Variants in PLEKHG7 observed in about 807,000 individuals in gnomAD.
PLEKHG7 encodes the protein pleckstrin homology and RhoGEF domain containing G7.
Under a neutral mutation model 85.2 loss-of-function variants are expected in PLEKHG7, and 77 were observed. That is an observed-to-expected ratio of 0.90 (90% CI 0.75 to 1.09). PLEKHG7 has a LOEUF of 1.09. PLEKHG7 is among the 50% of genes least tolerant of loss of function. The pLI is 0.00. For synonymous variants in PLEKHG7, 301 were observed against 302.4 expected (o/e 1.00, Z 0.05); for missense variants, 777 against 804.3 (o/e 0.97, Z 0.41).
At chr12:92,738,571 C>T (rs1382708869) in intron 7 of PLEKHG7, among the ~76,000 whole-genome samples, 2 of 152,238 alleles carry the variant, frequency 1.3e-5, no homozygotes, top group African/African-American at 2.4e-5. Context: ...AACCACTTAA[C>T]TCTGCCATTG....
intron 3 of PLEKHG7, among the ~76,000 whole-genome samples, chr12:92,718,130 A>T (rs1416841688): frequency 6.6e-6 from 1 of 152,230 alleles, no homozygotes; most frequent in Non-Finnish European, 1.5e-5. Context: ...CTGTCTGTTA[A>T]CTGTAGAACA....
At chr12:92,748,116 C>T (rs1393494532) in intron 10 of PLEKHG7, among the ~76,000 whole-genome samples, 1 of 152,130 alleles carries the variant, frequency 6.6e-6, no homozygotes, top group Non-Finnish European at 1.5e-5. Flanking sequence ...CATCATTACA[C>T]ATTGTACACA....
rs1872971564 is a variant in PLEKHG7, at chr12:92,760,977, G to A, written c.1637-775G>A. Among the ~76,000 whole-genome samples the A allele has an allele frequency of 2.0e-5, 3 of 152,198 alleles. No individual in the cohort carries two copies. The South Asian group carries it at 6.2e-4, about 31-fold the overall frequency. On this transcript the variant is annotated intron_variant, in intron 13 of 16. Transcript: ENST00000344636. ...GGAGGCTGAAAAGTCCCAGGCCAAG[G>A]TGATGGCAAATTCAGTTCCTGATGA... is the stretch of plus-strand genomic sequence containing the variant.
Position 92,729,065 on chromosome 12 carries a change from G to C in PLEKHG7, c.603G>C (p.Leu201=), listed in dbSNP as rs567732456. 8.1e-7 allele frequency: 1 copy of C among 1,231,760 alleles called. No homozygotes were observed. Among genetic ancestry groups the C allele is most frequent in the Non-Finnish European group, 1.0e-6 (1 of 987,772 alleles). The allele number at this position is 1,231,760 out of a possible 1,614,324, so 76.3% of individuals were successfully genotyped here. The part of the protein sequence containing the change: ...PGLEVFPGDL[L]VSDGAADYLC... ...TTGAGGTGTTCCCCGGGGACCTTCT[G>C]GTGTCAGATGGAGCTGCTGATTACC... The change falls in exon 4 of 17, where the codon CTG becomes CTC. Residue 201 remains leucine (L), a synonymous_variant. Coordinates refer to ENST00000344636, the MANE Select transcript of PLEKHG7 (RefSeq NM_001377329.1).
At chr12:92,753,571 C>T (rs1234935615) in intron 10 of PLEKHG7, among the ~76,000 whole-genome samples, 1 of 152,220 alleles carries the variant, frequency 6.6e-6, no homozygotes. Flanking sequence ...CTACCTCTCT[C>T]CTCTCCTCTC....
chr12:92,769,486 G>C (rs17790328), intron 16 of PLEKHG7, among the ~76,000 whole-genome samples: 5,999 of 152,244 alleles, frequency 0.039, 177 homozygotes, highest in Non-Finnish European at 0.062. Flanking sequence ...TTAGCTTAAG[G>C]AGGGCCTGGC....
intron 12 of PLEKHG7, 53 bp from the exon 13 acceptor site, chr12:92,756,245 T>G: frequency 7.3e-7 from 1 of 1,373,158 alleles, no homozygotes; most frequent in Non-Finnish European, 1.0e-6. Context: ...TTTAAACATG[T>G]TCTCTTCCAA....
chr12:92,756,390 A>C lies in PLEKHG7; in HGVS notation c.1635A>C (p.Ala545=). 1 of 1,606,512 alleles carries C rather than the reference A, an allele frequency of 6.2e-7. No individual in the cohort carries two copies. Among genetic ancestry groups the C allele is most frequent in the Non-Finnish European group, 8.5e-7 (1 of 1,173,188 alleles). The change falls in exon 13 of 17, where the codon GCA becomes GCC. Residue 545 remains alanine (A), a splice_region_variant and synonymous_variant. Transcript: ENST00000344636. ...HLLYEGKLTL[A]ESTRFLDVYL... is the part of the protein sequence containing the mutation. ...TCTATGAAGGAAAATTAACTCTTGC[A>C]GGTAAATAACTGCTTCCTTTAAAAA...
rs1491269715 is a variant in PLEKHG7 at position 92,761,659 on chromosome 12, A to AAAGAAAG, written c.1637-90_1637-84dup. ...GAAAGAAAGAAAGAAAGAAAGAAAG[A>AAAGAAAG]AAGAAAGAAAGAAAGAAAGAAAGAA... On this transcript the variant is annotated intron_variant, in intron 13 of 16. Transcript: ENST00000344636. 9 of 1,316,750 alleles carry AAAGAAAG rather than the reference A, an allele frequency of 6.8e-6. No homozygotes were observed. The African/African-American group carries it at 1.1e-4, about 17-fold the overall frequency. 81.6% of individuals were successfully genotyped at this position (1,316,750 alleles called of 1,614,324 possible). A position where few individuals can be genotyped will look rare whatever the true frequency, so the allele number is the denominator to read the frequency against.
intron 15 of PLEKHG7, among the ~76,000 whole-genome samples, chr12:92,764,421 G>T (rs1478730251): frequency 2.0e-5 from 3 of 152,120 alleles, no homozygotes; most frequent in African/African-American, 7.2e-5. Flanking sequence ...AGACTCTTCA[G>T]TTTTCTAAGC....
chr12:92,765,325 TA>T (rs59974651), intron 15 of PLEKHG7, among the ~76,000 whole-genome samples: 54,201 of 128,708 alleles, frequency 0.42, 11,873 homozygotes, highest in East Asian at 0.85. Flanking sequence ...AGTCTCTTAT[TA>T]AAAAAAAAAA....
At chr12:92,736,104 T>C (rs1304054144) in intron 5 of PLEKHG7, among the ~76,000 whole-genome samples, 1 of 152,188 alleles carries the variant, frequency 6.6e-6, no homozygotes, top group Non-Finnish European at 1.5e-5. Context: ...AGGTACCTTC[T>C]GATGTTAATA....
At chr12:92,731,541 C>G (rs960093321) in intron 4 of PLEKHG7, among the ~76,000 whole-genome samples, 3 of 152,104 alleles carry the variant, frequency 2.0e-5, no homozygotes. Context: ...TCAGCTTTGG[C>G]TAGGTAGCAT....
chr12:92,764,088 T>C lies in PLEKHG7; in HGVS notation c.1764T>C (p.Pro588=). The C allele has an allele frequency of 6.2e-7, 1 of 1,613,154 alleles. No homozygotes were observed. Among genetic ancestry groups the C allele is most frequent in the Middle Eastern group, 1.7e-4 (1 of 6,060 alleles). Residue 588 remains proline, a synonymous_variant, in exon 15 of 17, where the codon CCT becomes CCC. Transcript: ENST00000344636. ...DPGLMCPSLT[P]ELQAVIKEGG... is the part of the protein sequence containing the mutation. ...GTTTAATGTGTCCTTCTCTTACTCC[T>C]GAGTTGCAAGCAGTAATAAAAGAGG...
rs1240937251 is a variant in PLEKHG7 at position 92,770,408 on chromosome 12, T to C, written c.*213T>C. The C allele has an allele frequency of 6.2e-6, 3 of 482,734 alleles. No homozygotes were observed. The highest frequency in any genetic ancestry group is 4.2e-5 in the Admixed American group (1 of 23,830). 29.9% of individuals were successfully genotyped at this position (482,734 alleles called of 1,614,324 possible). ...ACTCTGAGGAATTTCTTGACAAATA[T>C]ATACTGACATCCAGATTACCTTCTA... On this transcript the variant is annotated 3_prime_UTR_variant, in exon 17 of 17. Coordinates refer to ENST00000344636, the MANE Select transcript of PLEKHG7 (RefSeq NM_001377329.1).
At chr12:92,717,268 A>G (rs1871516911) in intron 3 of PLEKHG7, among the ~76,000 whole-genome samples, 1 of 152,240 alleles carries the variant, frequency 6.6e-6, no homozygotes, top group South Asian at 2.1e-4. Flanking sequence ...AAGCCAACTG[A>G]TGAGATATTT....
At position 92,766,064 on chromosome 12, in the gene PLEKHG7, G is replaced by A. The variant is rs181786624; in HGVS notation, c.1870+1870G>A. Among the ~76,000 whole-genome samples, 16 of 152,260 alleles carry A rather than the reference G, an allele frequency of 1.1e-4. No individual in the cohort carries two copies. The East Asian group carries it at 2.9e-3, about 28-fold the overall frequency. On this transcript the variant is annotated intron_variant, in intron 15 of 16. Coordinates refer to ENST00000344636, the MANE Select transcript of PLEKHG7 (RefSeq NM_001377329.1). ...CAGTTCAGGAGCAAGCCACAAAAAGGGTATGTCAAAGTTGCAAAACCTTTG... is the reference window on the plus strand; with the variant it reads ...CAGTTCAGGAGCAAGCCACAAAAAGAGTATGTCAAAGTTGCAAAACCTTTG...
At chr12:92,705,223 G>C (rs1871199499) in intron 1 of PLEKHG7, among the ~76,000 whole-genome samples, 1 of 152,194 alleles carries the variant, frequency 6.6e-6, no homozygotes, top group African/African-American at 2.4e-5. Flanking sequence ...AACAATTATT[G>C]TATTCTCCAC....
chr12:92,732,866 G>A (rs1444654272), intron 5 of PLEKHG7, among the ~76,000 whole-genome samples: 1 of 152,102 alleles, frequency 6.6e-6, no homozygotes, highest in Admixed American at 6.5e-5. Flanking sequence ...GAAGAGGGAG[G>A]GAATGTTCAT....
Sources: allele counts gnomAD v4.1 joint callset (sites outside exome capture counted in the v4.1 genomes callset), GRCh38; gene constraint gnomAD v4.1.1; transcripts MANE v1.5; gene names NCBI Gene and HGNC (gene_info 2026-07-23, HGNC 2026-07-21).